The following HHLA2 variants were observed in gnomAD, a reference collection of about 807,000 sequenced individuals.
HHLA2 encodes the protein HHLA2 member of B7 family.
HHLA2 carries 48 observed loss-of-function variants against 45.9 expected under a neutral mutation model. That is an observed-to-expected ratio of 1.05 (90% confidence interval 0.83 to 1.33). The LOEUF (loss-of-function observed/expected upper bound fraction) is 1.33, where lower values mean the gene tolerates loss of function less well. HHLA2 is among the 40% of genes most tolerant of loss of function. The probability of loss-of-function intolerance (pLI) is 0.00; values close to 1 mark genes in which losing one functional copy is unlikely to be tolerated. For synonymous variants in HHLA2, 161 were observed against 173.9 expected (o/e 0.93, Z 0.59); for missense variants, 462 against 494.3 (o/e 0.93, Z 0.62).
chr3:108,343,009 A>G (rs2081602641), intron 3 of HHLA2, among the ~76,000 whole-genome samples: 1 of 152,036 alleles, frequency 6.6e-6, no homozygotes, highest in African/African-American at 2.4e-5. Context: ...GCTTTCTGAG[A>G]TTAGGGACTG....
chr3:108,335,245 C>A (rs1046728095), intron 3 of HHLA2, among the ~76,000 whole-genome samples: 1 of 152,156 alleles, frequency 6.6e-6, no homozygotes, highest in Non-Finnish European at 1.5e-5. Context: ...TTCCATCAAA[C>A]CCCTAAAGAA....
At chr3:108,323,537 C>A (rs1471670690) in intron 2 of HHLA2, among the ~76,000 whole-genome samples, 1 of 152,112 alleles carries the variant, frequency 6.6e-6, no homozygotes, top group African/African-American at 2.4e-5. Flanking sequence ...CCTGAGTGGG[C>A]TCATCTCTTC....
intron 1 of HHLA2, among the ~76,000 whole-genome samples, chr3:108,299,023 A>G (rs1305785972): frequency 6.6e-6 from 1 of 152,224 alleles, no homozygotes; most frequent in Non-Finnish European, 1.5e-5. Flanking sequence ...TTTAACCTAG[A>G]TTAGAGACAT....
chr3:108,338,200 G>GAT (rs369459458), intron 3 of HHLA2, among the ~76,000 whole-genome samples: 3,321 of 150,012 alleles, frequency 0.022, 106 homozygotes, highest in African/African-American at 0.073. Context: ...ATATATCAAA[G>GAT]ATATATATAT....
At chr3:108,328,257 T>C in intron 2 of HHLA2, 1 of 1,354,390 alleles carries the variant, frequency 7.4e-7, no homozygotes. Context: ...TTAATCTAAT[T>C]TTATCCACAC....
At chr3:108,307,849 A>G (rs1450990784) in intron 1 of HHLA2, among the ~76,000 whole-genome samples, 1 of 152,142 alleles carries the variant, frequency 6.6e-6, no homozygotes, top group Admixed American at 6.6e-5. Context: ...TTTAGTAATT[A>G]GGTCTTTTTT....
intron 3 of HHLA2, among the ~76,000 whole-genome samples, chr3:108,350,454 C>T (rs1287303009): frequency 6.6e-6 from 1 of 151,928 alleles, no homozygotes; most frequent in Non-Finnish European, 1.5e-5. Flanking sequence ...ATTAATCTAC[C>T]AGGTTTTATT....
intron 3 of HHLA2, among the ~76,000 whole-genome samples, chr3:108,345,012 T>C (rs571779653): frequency 6.6e-6 from 1 of 152,284 alleles, no homozygotes; most frequent in East Asian, 1.9e-4. Context: ...TGGATTCCTA[T>C]TCAAGTGCTT....
At chr3:108,351,871 T>G in exon 4 of HHLA2, 2 of 1,607,388 alleles carry the variant, frequency 1.2e-6, no homozygotes, top group South Asian at 2.2e-5. Flanking sequence ...TCTGAGTGGA[T>G]CTCAAGGTAA....
In HHLA2 at chr3:108,323,750, C is replaced by T. The variant is rs113923671; in HGVS notation, c.-104-4520C>T. Among the ~76,000 whole-genome samples, 302 of 152,094 alleles carry T rather than the reference C, an allele frequency of 2.0e-3. 2 individuals carry two copies. The highest frequency in any genetic ancestry group is 6.7e-3 in the African/African-American group (276 of 41,478). On this transcript the variant is annotated intron_variant, in intron 2 of 10. Transcript: ENST00000619531. ...TCTCACATTTAGCCATTTGGTTTAC[C>T]CTAAATTTGCTTCCATTTTTTAGTA...
chr3:108,372,581 C>A (rs2082198147), intron 8 of HHLA2, among the ~76,000 whole-genome samples: 2 of 151,214 alleles, frequency 1.3e-5, no homozygotes, highest in African/African-American at 4.9e-5. Flanking sequence ...AGACCGCTAG[C>A]AAGACTAATA....
chr3:108,368,924 C>A (rs903919713), intron 8 of HHLA2, among the ~76,000 whole-genome samples: 1 of 152,176 alleles, frequency 6.6e-6, no homozygotes, highest in Non-Finnish European at 1.5e-5. Context: ...ACAGAATATA[C>A]ATTCTTCTCA....
At chr3:108,364,344 T>A (rs1481187046) in intron 8 of HHLA2, among the ~76,000 whole-genome samples, 1 of 152,246 alleles carries the variant, frequency 6.6e-6, no homozygotes, top group Non-Finnish European at 1.5e-5. Flanking sequence ...TATGACTGCA[T>A]AGTATTCCAT....
intron 1 of HHLA2, among the ~76,000 whole-genome samples, chr3:108,305,803 T>A (rs1222825655): frequency 6.6e-6 from 1 of 152,232 alleles, no homozygotes; most frequent in Non-Finnish European, 1.5e-5. Context: ...ATACATGTGA[T>A]AAATCACATT....
intron 3 of HHLA2, among the ~76,000 whole-genome samples, chr3:108,345,870 G>T (rs754068954): frequency 3.9e-4 from 59 of 152,268 alleles, no homozygotes; most frequent in African/African-American, 8.9e-4. Context: ...TTTAACCACT[G>T]GGGGGCAACT....
intron 8 of HHLA2, among the ~76,000 whole-genome samples, chr3:108,363,988 T>C (rs1335308774): frequency 6.6e-6 from 1 of 150,478 alleles, no homozygotes; most frequent in Non-Finnish European, 1.5e-5. Context: ...TTTTTTTTTT[T>C]CTTTCTTTTT....
chr3:108,339,214 T>C (rs1468876245), intron 3 of HHLA2, among the ~76,000 whole-genome samples: 1 of 152,178 alleles, frequency 6.6e-6, no homozygotes, highest in African/African-American at 2.4e-5. Context: ...AGGAAATAAC[T>C]TTTTGGAACC....
At chr3:108,317,341 G>T (rs1399341819) in intron 2 of HHLA2, among the ~76,000 whole-genome samples, 1 of 152,182 alleles carries the variant, frequency 6.6e-6, no homozygotes, top group Admixed American at 6.5e-5. Flanking sequence ...CTCTAGTAGG[G>T]TGGTCTAAAG....
intron 2 of HHLA2, among the ~76,000 whole-genome samples, chr3:108,323,848 A>G (rs2081244849): frequency 6.6e-6 from 1 of 152,206 alleles, no homozygotes; most frequent in African/African-American, 2.4e-5. Context: ...TGAATTATCT[A>G]TACCTATCTC....
Sources: allele counts gnomAD v4.1 joint callset (sites outside exome capture counted in the v4.1 genomes callset), GRCh38; gene constraint gnomAD v4.1.1; transcripts MANE v1.5; gene names NCBI Gene and HGNC (gene_info 2026-07-23, HGNC 2026-07-21).